Variants in FBXL7 observed in about 807,000 individuals in gnomAD.
FBXL7 encodes the protein F-box/LRR-repeat protein 7.
A neutral mutation model predicts 38.3 loss-of-function variants in FBXL7; 12 were observed. The observed-to-expected ratio is 0.31, with a 90% confidence interval of 0.20 to 0.51. The LOEUF (loss-of-function observed/expected upper bound fraction) is 0.51, where lower values mean the gene tolerates loss of function less well. Ranked by LOEUF, FBXL7 falls within the 20% of genes least tolerant of loss-of-function variation. The pLI, the probability that FBXL7 is intolerant of heterozygous loss-of-function variation, is 0.98. For missense variants in FBXL7, 567 were observed against 676.4 expected, an observed-to-expected ratio of 0.84 and a Z score of 1.79; for synonymous variants, 297 against 300.9, an observed-to-expected ratio of 0.99 and a Z score of 0.13.
intron 2 of FBXL7, among the ~76,000 whole-genome samples, chr5:15,895,633 CTTTTTTTTTTTTT>C (rs903652361): frequency 3.4e-4 from 33 of 98,058 alleles, no homozygotes; most frequent in South Asian, 3.4e-4. Flanking sequence ...CTTTTTCATA[CTTTTTTTTTTTTT>C]TTTTTTTTTT....
At chr5:15,867,184 T>C (rs1292202614) in intron 2 of FBXL7, among the ~76,000 whole-genome samples, 1 of 152,218 alleles carries the variant, frequency 6.6e-6, no homozygotes, top group Admixed American at 6.5e-5. Context: ...AGACTTGGAA[T>C]CACTCACAGT....
intron 2 of FBXL7, among the ~76,000 whole-genome samples, chr5:15,679,365 C>T (rs1742763054): frequency 6.6e-6 from 1 of 152,156 alleles, no homozygotes; most frequent in African/African-American, 2.4e-5. Flanking sequence ...TTTAATGAAT[C>T]GTGCTTTTGC....
At chr5:15,625,558 G>A (rs1268251630) in intron 2 of FBXL7, among the ~76,000 whole-genome samples, 2 of 152,082 alleles carry the variant, frequency 1.3e-5, no homozygotes, top group Admixed American at 1.3e-4. Flanking sequence ...GATGGCTGAG[G>A]CCCAGTAATC....
rs748480177 is a variant in FBXL7 at position 15,638,912 on chromosome 5, CTTTT to C, written c.127+22843_127+22846del. Among the ~76,000 whole-genome samples, 37 of 152,130 alleles carry C rather than the reference CTTTT, an allele frequency of 2.4e-4. 1 individual carries two copies. Among genetic ancestry groups the C allele is most frequent in the South Asian group, 6.2e-4 (3 of 4,802 alleles). On this transcript the variant is annotated intron_variant, in intron 2 of 3. Coordinates refer to ENST00000504595, the MANE Select transcript of FBXL7 (RefSeq NM_012304.5). ...GTAACAATGACCCTCTGGAACTCTC[CTTTT>C]TTACTGAGCTCAACCCTGAAGTTCA...
At chr5:15,620,780 G>T (rs1300446418) in intron 2 of FBXL7, among the ~76,000 whole-genome samples, 1 of 152,160 alleles carries the variant, frequency 6.6e-6, no homozygotes, top group East Asian at 1.9e-4. Context: ...ACTCATCATG[G>T]TAATATTTCC....
intron 3 of FBXL7, among the ~76,000 whole-genome samples, chr5:15,930,126 A>T (rs1445819868): frequency 1.3e-5 from 2 of 152,210 alleles, no homozygotes; most frequent in Non-Finnish European, 1.5e-5. Context: ...AGACAAAACC[A>T]TAGCAGCCAT....
intron 1 of FBXL7, among the ~76,000 whole-genome samples, chr5:15,527,720 T>G (rs1737293520): frequency 6.6e-6 from 1 of 152,210 alleles, no homozygotes; most frequent in Non-Finnish European, 1.5e-5. Flanking sequence ...ACTCATAGAA[T>G]TGCTTTTAGG....
At chr5:15,754,518 T>G (rs2126689979) in intron 2 of FBXL7, among the ~76,000 whole-genome samples, 1 of 152,314 alleles carries the variant, frequency 6.6e-6, no homozygotes, top group South Asian at 2.1e-4. Context: ...AACAGGCTTA[T>G]GTACATATTG....
chr5:15,730,544 TTTTA>T (rs1321367357), intron 2 of FBXL7, among the ~76,000 whole-genome samples: 16 of 152,184 alleles, frequency 1.1e-4, no homozygotes, highest in African/African-American at 3.6e-4. Context: ...AAATATATTG[TTTTA>T]TTTAAAGACT....
In FBXL7 at chr5:15,803,971, C is replaced by T. The variant is rs150709781; in HGVS notation, c.128-123919C>T. ...TGTCATTCAAAGAAGAACCAGTCAACCACATCCATACAAGTGCTATTGCTC... is the reference window on the plus strand; with the variant it reads ...TGTCATTCAAAGAAGAACCAGTCAATCACATCCATACAAGTGCTATTGCTC... On this transcript the variant is annotated intron_variant, in intron 2 of 3. Transcript: ENST00000504595. Among the ~76,000 whole-genome samples, 565 of 152,272 alleles carry T rather than the reference C, an allele frequency of 3.7e-3. 4 individuals carry two copies. The highest frequency in any genetic ancestry group is 0.017 in the Middle Eastern group (5 of 294).
chr5:15,546,718 G>A (rs796506673), intron 1 of FBXL7, among the ~76,000 whole-genome samples: 13 of 152,282 alleles, frequency 8.5e-5, no homozygotes, highest in African/African-American at 1.9e-4. Context: ...GCTACAGAGC[G>A]AGACCCTGTC....
At chr5:15,634,421 A>G (rs374841062) in intron 2 of FBXL7, among the ~76,000 whole-genome samples, 1 of 150,418 alleles carries the variant, frequency 6.6e-6, no homozygotes, top group East Asian at 2.0e-4. Context: ...TCCGAAGTTC[A>G]AGCAATTCTC....
chr5:15,898,760 C>T (rs1195644232), intron 2 of FBXL7, among the ~76,000 whole-genome samples: 2 of 152,194 alleles, frequency 1.3e-5, no homozygotes, highest in African/African-American at 4.8e-5. Flanking sequence ...AACGGCAGCT[C>T]AGAGCTGTGT....
chr5:15,645,077 A>G lies in FBXL7; in HGVS notation c.127+29005A>G, dbSNP rs767594010. Among the ~76,000 whole-genome samples, 17 of 152,164 alleles carry G rather than the reference A, an allele frequency of 1.1e-4. 1 individual carries two copies. Among genetic ancestry groups the G allele is most frequent in the African/African-American group, 4.1e-4 (17 of 41,426 alleles). ...GCAGTTTTAACCACAATCTGGACAC[A>G]TTTCCTTATGTGGAAGTGGATTTTG... On this transcript the variant is annotated intron_variant, in intron 2 of 3. Coordinates refer to ENST00000504595, the MANE Select transcript of FBXL7 (RefSeq NM_012304.5).
At chr5:15,871,336 G>A (rs1299243199) in intron 2 of FBXL7, among the ~76,000 whole-genome samples, 2 of 152,188 alleles carry the variant, frequency 1.3e-5, no homozygotes, top group Non-Finnish European at 2.9e-5. Flanking sequence ...AATCCACGAA[G>A]ATGAGGAAAA....
intron 1 of FBXL7, among the ~76,000 whole-genome samples, chr5:15,529,874 C>A (rs1433419813): frequency 6.6e-6 from 1 of 152,182 alleles, no homozygotes; most frequent in Admixed American, 6.5e-5. Context: ...ATATCCCCTG[C>A]CATCTTGCTA....
chr5:15,586,143 G>C, intron 1 of FBXL7, among the ~76,000 whole-genome samples: 1 of 152,078 alleles, frequency 6.6e-6, no homozygotes, highest in East Asian at 1.9e-4. Context: ...CAGAATCTGG[G>C]GGGTATTAAG....
chr5:15,562,790 A>G (rs1201144316), intron 1 of FBXL7, among the ~76,000 whole-genome samples: 1 of 152,036 alleles, frequency 6.6e-6, no homozygotes, highest in Non-Finnish European at 1.5e-5. Flanking sequence ...ACACTGTTCT[A>G]GGTTCTGAGG....
intron 1 of FBXL7, among the ~76,000 whole-genome samples, chr5:15,556,992 C>T (rs892583435): frequency 5.9e-5 from 9 of 152,136 alleles, no homozygotes; most frequent in East Asian, 3.9e-4. Context: ...GGCTGGAGTG[C>T]GGTGGCGCGA....
Sources: allele counts gnomAD v4.1 joint callset (sites outside exome capture counted in the v4.1 genomes callset), GRCh38; gene constraint gnomAD v4.1.1; transcripts MANE v1.5; gene names NCBI Gene and HGNC (gene_info 2026-07-23, HGNC 2026-07-21).